HACD2: variants seen among roughly 807,000 people sequenced by gnomAD.
The protein encoded by HACD2 is 3-hydroxyacyl-CoA dehydratase 2, also known as very-long-chain (3R)-3-hydroxyacyl-CoA dehydratase 2.
HACD2 carries 15 observed loss-of-function variants against 31.0 expected under a neutral mutation model. That is an observed-to-expected ratio of 0.48 (90% CI 0.32 to 0.75). HACD2 has a LOEUF of 0.75. Ranked by LOEUF, HACD2 falls within the 30% of genes least tolerant of loss-of-function variation. The pLI, the probability that HACD2 is intolerant of heterozygous loss-of-function variation, is 0.03. For missense variants in HACD2, 283 were observed against 313.0 expected, an observed-to-expected ratio of 0.90 and a Z score of 0.72; for synonymous variants, 115 against 122.2, an observed-to-expected ratio of 0.94 and a Z score of 0.39.
chr3:123,520,788 A>G (rs1356003903), intron 4 of HACD2, among the ~76,000 whole-genome samples: 2 of 152,234 alleles, frequency 1.3e-5, no homozygotes, highest in African/African-American at 2.4e-5. Context: ...ACAACTTGAC[A>G]ACATAGTTTA....
At chr3:123,540,263 G>C (rs1222853831) in intron 3 of HACD2, among the ~76,000 whole-genome samples, 1 of 151,940 alleles carries the variant, frequency 6.6e-6, no homozygotes, top group African/African-American at 2.4e-5. Context: ...TCTGCCACTA[G>C]CATCTTACTC....
chr3:123,549,030 T>C (rs1221945698), intron 3 of HACD2, among the ~76,000 whole-genome samples: 1 of 150,826 alleles, frequency 6.6e-6, no homozygotes, highest in Admixed American at 6.7e-5. Context: ...ATTTTGACCA[T>C]TGCAGAAGGG....
chr3:123,522,048 G>A (rs767519137), intron 4 of HACD2, among the ~76,000 whole-genome samples: 6 of 152,170 alleles, frequency 3.9e-5, no homozygotes, highest in African/African-American at 9.7e-5. Context: ...GCTCATGCCT[G>A]TAATTCCAGC....
rs1172940372 is a variant in HACD2 at position 123,502,645 on chromosome 3, C to G, written c.418G>C (p.Ala140Pro). 1.2e-6 allele frequency: 2 copies of G among 1,605,644 alleles called. No individual in the cohort carries two copies. The highest frequency in any genetic ancestry group is 3.4e-5 in the Admixed American group (2 of 58,726). Residue 140 changes from alanine to proline, a missense_variant, in exon 5 of 7, where the codon GCA becomes CCA. Physicochemically the swap from Ala to Pro is conservative, Grantham distance 27. Transcript: ENST00000383657. ...CGGATGATTTCCGTGATCGTCCATG[C>G]AATAACAAACAGGAGGACACTGTCT... is the stretch of plus-strand genomic sequence containing the variant. ...SEDSVLLFVIAWTITEIIRYS... is the reference protein window; with the variant it reads ...SEDSVLLFVIPWTITEIIRYS...
chr3:123,500,462 T>C, intron 6 of HACD2, 53 bp downstream of exon 6: 2 of 1,215,804 alleles, frequency 1.6e-6, no homozygotes, highest in South Asian at 3.0e-5. Context: ...ATTTAGTTAT[T>C]GTAGAGCCAA....
intron 3 of HACD2, among the ~76,000 whole-genome samples, chr3:123,536,612 G>T (rs1195806645): frequency 6.6e-6 from 1 of 152,190 alleles, no homozygotes; most frequent in African/African-American, 2.4e-5. Context: ...TGCACTGAAA[G>T]AATACACCGT....
chr3:123,498,267 TA>T (rs538723617), intron 6 of HACD2, among the ~76,000 whole-genome samples: 9 of 152,250 alleles, frequency 5.9e-5, no homozygotes, highest in Non-Finnish European at 1.0e-4. Flanking sequence ...TACAAGAGGT[TA>T]GCTGCCTTAG....
intron 1 of HACD2, among the ~76,000 whole-genome samples, chr3:123,582,685 T>C (rs1304993261): frequency 1.3e-5 from 2 of 152,090 alleles, no homozygotes; most frequent in Admixed American, 6.6e-5. Context: ...AAAAAAACAG[T>C]TAAAGGAAAA....
chr3:123,533,815 T>C (rs1362934494), intron 3 of HACD2, among the ~76,000 whole-genome samples: 1 of 152,144 alleles, frequency 6.6e-6, no homozygotes, highest in African/African-American at 2.4e-5. Flanking sequence ...TTCTCAAAAA[T>C]AAGACTTTTT....
In HACD2 at chr3:123,493,409, A is replaced by G. The variant is rs2055790229; in HGVS notation, c.*1479T>C. ...TATGAGTTTTCTGATATTCGCAATT[A>G]TATTTTAAATGACAACTACTCAATA... On this transcript the variant is annotated 3_prime_UTR_variant, in exon 7 of 7. Coordinates refer to ENST00000383657, the MANE Select transcript of HACD2 (RefSeq NM_198402.5). The G allele has an allele frequency of 6.6e-6, 1 of 152,260 alleles. No homozygotes were observed. The highest frequency in any genetic ancestry group is 6.5e-5 in the Admixed American group (1 of 15,286). 9.4% of individuals were successfully genotyped at this position (152,260 alleles called of 1,614,324 possible). A position where few individuals can be genotyped will look rare whatever the true frequency, so the allele number is the denominator to read the frequency against.
intron 5 of HACD2, among the ~76,000 whole-genome samples, chr3:123,502,268 T>G (rs1030154961): frequency 6.6e-6 from 1 of 152,170 alleles, no homozygotes; most frequent in African/African-American, 2.4e-5. Context: ...AAATCTCTAT[T>G]GATTGCTACT....
chr3:123,535,534 T>A (rs1291796412), intron 3 of HACD2, among the ~76,000 whole-genome samples: 1 of 152,190 alleles, frequency 6.6e-6, no homozygotes, highest in Non-Finnish European at 1.5e-5. Context: ...AAGAAAGAGA[T>A]TATGGCACAG....
intron 4 of HACD2, among the ~76,000 whole-genome samples, chr3:123,519,313 T>A (rs556522489): frequency 6.6e-6 from 1 of 152,194 alleles, no homozygotes; most frequent in Non-Finnish European, 1.5e-5. Flanking sequence ...ACTCCAGACT[T>A]GGAAAGAGTC....
At chr3:123,553,052 T>C (rs2056636581) in intron 3 of HACD2, among the ~76,000 whole-genome samples, 1 of 152,140 alleles carries the variant, frequency 6.6e-6, no homozygotes, top group South Asian at 2.1e-4. Context: ...AATTTAAAAC[T>C]ATAGTCTAAT....
chr3:123,541,278 A>G (rs914153288), intron 3 of HACD2, among the ~76,000 whole-genome samples: 3 of 152,346 alleles, frequency 2.0e-5, no homozygotes, highest in Middle Eastern at 3.4e-3. Context: ...CCAAAAAAAA[A>G]GCTAAACCCA....
chr3:123,528,770 A>G (rs753100095), intron 3 of HACD2, among the ~76,000 whole-genome samples: 5 of 152,202 alleles, frequency 3.3e-5, no homozygotes, highest in Non-Finnish European at 5.9e-5. Context: ...TACTGTATAG[A>G]TGGAGAAAGC....
At chr3:123,525,088 C>T (rs763602534) in intron 4 of HACD2, among the ~76,000 whole-genome samples, 16 of 152,166 alleles carry the variant, frequency 1.1e-4, no homozygotes, top group East Asian at 3.8e-4. Context: ...ACAAGATTTT[C>T]GCAAGCATCC....
rs768324602 is a variant in HACD2, at chr3:123,494,927, C to G, written c.726G>C (p.Lys242Asn). 1 of 1,561,188 alleles carries G rather than the reference C, an allele frequency of 6.4e-7. No homozygotes were observed. The highest frequency in any genetic ancestry group is 1.9e-5 in the Admixed American group (1 of 52,228). The change falls in exon 7 of 7, where the codon AAG (lysine) becomes AAC (asparagine). Residue 242 changes from lysine to asparagine, a missense_variant. Around this residue, in one of 3 missense-constraint regions of HACD2, gnomAD observed 40 missense variants for 35.1 expected, o/e 1.14. Transcript: ENST00000383657. ...TGTGTTCTTCAGTATGAGAAAGGAT[C>G]TTTCTTCTCTGGTGTATCATGTGGA... ...LYFHMIHQRRKILSHTEEHKK... is the reference protein window; with the variant it reads ...LYFHMIHQRRNILSHTEEHKK...
At chr3:123,527,791 G>A (rs982549878) in intron 4 of HACD2, among the ~76,000 whole-genome samples, 4 of 152,246 alleles carry the variant, frequency 2.6e-5, no homozygotes, top group Non-Finnish European at 4.4e-5. Flanking sequence ...CACAGGGCAT[G>A]ATAAATGCTT....
Sources: gnomAD v4.1 joint callset for allele counts (sites outside exome capture counted in the v4.1 genomes callset) on GRCh38, gnomAD v4.1.1 for gene constraint, gnomAD v4.1.1 regional missense constraint, MANE v1.5 for transcripts, NCBI Gene and HGNC (gene_info 2026-07-23, HGNC 2026-07-21) for gene names.